Variants in CASZ1 observed in about 807,000 individuals in gnomAD.
CASZ1 encodes zinc finger protein castor homolog 1.
In CASZ1, 28 loss-of-function variants were observed where a neutral mutation model predicts 135.2. That is an observed-to-expected ratio of 0.21 (90% confidence interval 0.15 to 0.28). The LOEUF is 0.28. Among genes scored for constraint, CASZ1 ranks in the 10% least tolerant of loss-of-function variants. The pLI is 1.00. For synonymous variants in CASZ1, 1,068 were observed against 1,073.4 expected (o/e 0.99, Z 0.10); for missense variants, 2,161 against 2,453.3 (o/e 0.88, Z 2.52).
At chr1:10,790,064 G>A (rs749007401) in intron 1 of CASZ1, among the ~76,000 whole-genome samples, 4 of 152,206 alleles carry the variant, frequency 2.6e-5, no homozygotes, top group Non-Finnish European at 5.9e-5. Flanking sequence ...GAGCCACGCA[G>A]ATGCCACCGC....
At position 10,727,141 on chromosome 1, in the gene CASZ1, C is replaced by T. The variant is rs567533880; in HGVS notation, c.-76-21597G>A. On this transcript the variant is annotated intron_variant, in intron 2 of 20. Coordinates refer to ENST00000377022, the MANE Select transcript of CASZ1 (RefSeq NM_001079843.3). This position sits in a 1 kb window ranked among gnomAD's most constrained non-coding sequence, Gnocchi z 5.3. Reference sequence around the variant, plus strand: ...CCCACCAGGGAGGGTGGCATGGAAACAGCCTGGAGAAGGAAGAGGGAAAAG... The same window carrying T: ...CCCACCAGGGAGGGTGGCATGGAAATAGCCTGGAGAAGGAAGAGGGAAAAG... 2.6e-5 allele frequency among the ~76,000 whole-genome samples: 4 copies of T among 152,150 alleles called. No homozygotes were observed. The highest frequency in any genetic ancestry group is 4.2e-4 in the South Asian group (2 of 4,814).
intron 2 of CASZ1, among the ~76,000 whole-genome samples, chr1:10,723,230 C>T (rs914446223): frequency 2.0e-5 from 3 of 152,178 alleles, no homozygotes; most frequent in Non-Finnish European, 4.4e-5. Context: ...TTCATCTGAA[C>T]ACCCAGCCAG....
chr1:10,639,647 G>T lies in CASZ1; in HGVS notation c.4575C>A (p.Thr1525=), dbSNP rs1310084496. ...FHCLRCRFRC[T]DSTKVTAHRK... is the part of the protein sequence containing the mutation. ...GATGCGCCGTGACCTTGGTGCTGTC[G>T]GTGCAGCGGAAGCGGCAGCGCAGGC... is the stretch of plus-strand genomic sequence containing the variant. Residue 1525 remains threonine, a synonymous_variant, in exon 21 of 21, where the codon ACC becomes ACA. Coordinates refer to ENST00000377022, the MANE Select transcript of CASZ1 (RefSeq NM_001079843.3). This position sits in a 1 kb window ranked among gnomAD's most constrained non-coding sequence, Gnocchi z 4.0. 2.5e-6 allele frequency: 4 copies of T among 1,606,142 alleles called. No individual in the cohort carries two copies. The highest frequency in any genetic ancestry group is 1.1e-5 in the South Asian group (1 of 90,092).
chr1:10,677,176 G>C (rs1027982703), intron 4 of CASZ1, among the ~76,000 whole-genome samples: 1 of 152,114 alleles, frequency 6.6e-6, no homozygotes, highest in African/African-American at 2.4e-5. Context: ...TGCCTCCCAA[G>C]CCTCCAGCCG....
intron 1 of CASZ1, among the ~76,000 whole-genome samples, chr1:10,763,221 GC>G (rs745585709): frequency 1.3e-5 from 2 of 152,230 alleles, no homozygotes; most frequent in African/African-American, 2.4e-5. Context: ...GAGCGCAGAG[GC>G]CGGGTCTCTG....
chr1:10,657,062 T>G lies in CASZ1; in HGVS notation c.1410-326A>C, dbSNP rs1290701927. Among the ~76,000 whole-genome samples the G allele has an allele frequency of 6.6e-6, 1 of 152,180 alleles. No individual in the cohort carries two copies. The highest frequency in any genetic ancestry group is 1.5e-5 in the Non-Finnish European group (1 of 68,014). On this transcript the variant is annotated intron_variant, in intron 7 of 20. Coordinates refer to ENST00000377022, the MANE Select transcript of CASZ1 (RefSeq NM_001079843.3). This position sits in a 1 kb window ranked among gnomAD's most constrained non-coding sequence, Gnocchi z 5.7. The stretch of plus-strand genomic sequence containing the variant: ...ACCTGTCTTTTCTGCAGGGGCTACC[T>G]GCCCCACTCCCAGCCCGCCCAGTTC...
At chr1:10,670,429 G>GGGGC (rs1643364084) in intron 4 of CASZ1, among the ~76,000 whole-genome samples, 1 of 152,238 alleles carries the variant, frequency 6.6e-6, no homozygotes, top group South Asian at 2.1e-4. Flanking sequence ...CCTGGAGTCA[G>GGGGC]GGGCGGGCGG....
chr1:10,645,327 A>C (rs998991619), intron 17 of CASZ1, among the ~76,000 whole-genome samples: 2 of 152,214 alleles, frequency 1.3e-5, no homozygotes, highest in African/African-American at 4.8e-5. Context: ...TCAGGAGATC[A>C]AGACCATCCT....
chr1:10,771,579 G>A (rs1008444225), intron 1 of CASZ1, among the ~76,000 whole-genome samples: 1 of 152,048 alleles, frequency 6.6e-6, no homozygotes, highest in Non-Finnish European at 1.5e-5. Flanking sequence ...GCGACTTATT[G>A]TAAACGTAGA....
At chr1:10,665,751 G>T (rs530984558) in intron 4 of CASZ1, among the ~76,000 whole-genome samples, 180 bp from the exon 5 acceptor site, 62 of 152,340 alleles carry the variant, frequency 4.1e-4, no homozygotes, top group African/African-American at 1.4e-3. Context: ...GAGCTCCGTG[G>T]CCATGCTTGA....
At chr1:10,758,322 C>T (rs1640297389) in intron 2 of CASZ1, among the ~76,000 whole-genome samples, 1 of 68,032 alleles carries the variant, frequency 1.5e-5, no homozygotes, top group African/African-American at 3.5e-5. Flanking sequence ...CCTCTTCTCT[C>T]TCTCTCTTTT....
intron 3 of CASZ1, among the ~76,000 whole-genome samples, chr1:10,702,426 C>T (rs761877325): frequency 1.3e-5 from 2 of 152,172 alleles, no homozygotes; most frequent in Non-Finnish European, 2.9e-5. Context: ...CCCAAAGCCT[C>T]CTGGGCTAGT....
Position 10,656,713 on chromosome 1 carries a change from C to A in CASZ1, c.1433G>T (p.Gly478Val). The A allele has an allele frequency of 6.2e-7, 1 of 1,600,156 alleles. No homozygotes were observed. The highest frequency in any genetic ancestry group is 8.5e-7 in the Non-Finnish European group (1 of 1,174,430). The change falls in exon 8 of 21, where the codon GGC (glycine) becomes GTC (valine). Residue 478 changes from glycine (G) to valine (V), a missense_variant. Physicochemically the swap from Gly to Val is moderately radical, Grantham distance 109. Coordinates refer to ENST00000377022, the MANE Select transcript of CASZ1 (RefSeq NM_001079843.3). ...GTACTGGTAGGCACAGTGGATGTGG[C>A]CACAGTGCTGGCTGCCCGAGAACCT... ...IARFSGSQHCGHIHCAYQYRE... is the reference protein window; with the variant it reads ...IARFSGSQHCVHIHCAYQYRE...
intron 1 of CASZ1, among the ~76,000 whole-genome samples, chr1:10,764,430 A>AC (rs1640436110): frequency 6.6e-6 from 1 of 152,266 alleles, no homozygotes; most frequent in African/African-American, 2.4e-5. Context: ...CTTGGTATGA[A>AC]CCAGTCAGAT....
chr1:10,775,997 C>T (rs1416056444), intron 1 of CASZ1, among the ~76,000 whole-genome samples: 4 of 152,302 alleles, frequency 2.6e-5, no homozygotes, highest in African/African-American at 4.8e-5. Flanking sequence ...TCAGGGCTCC[C>T]GCCTCCCAAG....
At chr1:10,685,758 CCT>C (rs1638566641) in intron 4 of CASZ1, among the ~76,000 whole-genome samples, 1 of 152,256 alleles carries the variant, frequency 6.6e-6, no homozygotes, top group Non-Finnish European at 1.5e-5. Flanking sequence ...CCAGCCTCCC[CCT>C]GTCCACTCCA....
intron 4 of CASZ1, among the ~76,000 whole-genome samples, chr1:10,680,798 C>T (rs574384273): frequency 1.2e-4 from 18 of 152,378 alleles, no homozygotes; most frequent in Admixed American, 3.3e-4. Context: ...GACTAGGAAG[C>T]GGGAAAGCAG....
chr1:10,665,050 C>T (rs755246095), intron 5 of CASZ1, 33 bp downstream of exon 5: 13 of 1,495,178 alleles, frequency 8.7e-6, no homozygotes, highest in Non-Finnish European at 1.1e-5. Context: ...CCTGTCCTGG[C>T]CTTCAGCCTC....
chr1:10,674,416 G>A (rs962957605), intron 4 of CASZ1, among the ~76,000 whole-genome samples: 2 of 152,376 alleles, frequency 1.3e-5, no homozygotes, highest in South Asian at 2.1e-4. Flanking sequence ...AGCCTTCCCC[G>A]GCACCGCTGC....
Sources: gnomAD v4.1 joint callset for allele counts (sites outside exome capture counted in the v4.1 genomes callset) on GRCh38, gnomAD v4.1.1 for gene constraint, Gnocchi (gnomAD v3.1) non-coding constraint, MANE v1.5 for transcripts, NCBI Gene and HGNC (gene_info 2026-07-23, HGNC 2026-07-21) for gene names.